Variants in GALNT13 observed in about 807,000 individuals in gnomAD.
GALNT13 encodes the protein polypeptide N-acetylgalactosaminyltransferase 13.
A neutral mutation model predicts 64.2 loss-of-function variants in GALNT13; 28 were observed. The ratio of observed to expected loss-of-function variants is 0.44; its 90% CI spans 0.32 to 0.60. The LOEUF (loss-of-function observed/expected upper bound fraction) is 0.60, where lower values mean the gene tolerates loss of function less well. Ranked by LOEUF, GALNT13 falls within the 20% of genes least tolerant of loss-of-function variation. The pLI, the probability that GALNT13 is intolerant of heterozygous loss-of-function variation, is 0.05. For synonymous variants in GALNT13, 214 were observed against 224.6 expected, an observed-to-expected ratio of 0.95 and a Z score of 0.42; for missense variants, 577 against 669.8, an observed-to-expected ratio of 0.86 and a Z score of 1.53.
chr2:153,201,818 C>T, the GALNT13 span: 1 of 152,136 alleles, frequency 6.6e-6, no homozygotes, highest in East Asian at 1.9e-4. Context: ...CAATCATTTA[C>T]TGAACAATGC....
the GALNT13 span, among the ~76,000 whole-genome samples, chr2:153,586,239 T>C: frequency 6.6e-6 from 1 of 152,134 alleles, no homozygotes; most frequent in Admixed American, 6.5e-5. Context: ...ATGCATCACT[T>C]AAAAGATATA....
chr2:153,383,298 G>A, the GALNT13 span, among the ~76,000 whole-genome samples: 10 of 152,094 alleles, frequency 6.6e-5, no homozygotes, highest in Non-Finnish European at 1.2e-4. Context: ...CCAGTTTCTC[G>A]GCATCCACAT....
At chr2:154,290,990 G>T (rs1033764284) in intron 8 of GALNT13, among the ~76,000 whole-genome samples, 2 of 151,988 alleles carry the variant, frequency 1.3e-5, no homozygotes, top group African/African-American at 4.8e-5. Context: ...AGACCTTCTC[G>T]GTGAGCGTTA....
At chr2:153,820,802 C>A in the GALNT13 span, among the ~76,000 whole-genome samples, 14 of 152,074 alleles carry the variant, frequency 9.2e-5, no homozygotes, top group Admixed American at 9.2e-4. Flanking sequence ...AACATCTACA[C>A]AATCAAGTCT....
At chr2:153,814,066 A>G in the GALNT13 span, among the ~76,000 whole-genome samples, 10 of 152,194 alleles carry the variant, frequency 6.6e-5, no homozygotes, top group African/African-American at 2.4e-4. Flanking sequence ...CTTCCAAGAG[A>G]GAACAAGAAA....
intron 3 of GALNT13, among the ~76,000 whole-genome samples, chr2:154,106,990 C>T (rs1702652745): frequency 6.6e-6 from 1 of 152,060 alleles, no homozygotes; most frequent in South Asian, 2.1e-4. Flanking sequence ...TGAGTTCTCA[C>T]TCTATTAGTT....
the GALNT13 span, among the ~76,000 whole-genome samples, chr2:153,459,198 A>G: frequency 1.8e-4 from 27 of 152,320 alleles, no homozygotes; most frequent in African/African-American, 6.5e-4. Flanking sequence ...TGAAAAGAAA[A>G]ACAGGGAACA....
At chr2:154,443,116 A>G (rs1701386423) in intron 12 of GALNT13, among the ~76,000 whole-genome samples, 1 of 152,086 alleles carries the variant, frequency 6.6e-6, no homozygotes, top group African/African-American at 2.4e-5. Flanking sequence ...CCTGTGTAGC[A>G]TTCCTAAGAA....
chr2:153,101,131 G>T, the GALNT13 span, among the ~76,000 whole-genome samples: 2 of 152,154 alleles, frequency 1.3e-5, no homozygotes, highest in African/African-American at 4.8e-5. Context: ...GTATGCTTAT[G>T]TAAATTATAT....
the GALNT13 span, among the ~76,000 whole-genome samples, chr2:153,115,295 G>A: frequency 3.3e-5 from 5 of 152,140 alleles, no homozygotes; most frequent in African/African-American, 1.2e-4. Context: ...CACTGGGTAA[G>A]TCAGCAAAAG....
At chr2:153,558,012 A>T in the GALNT13 span, among the ~76,000 whole-genome samples, 1 of 152,184 alleles carries the variant, frequency 6.6e-6, no homozygotes, top group Non-Finnish European at 1.5e-5. Context: ...TTTGATACAG[A>T]CACAGGAAGA....
intron 3 of GALNT13, among the ~76,000 whole-genome samples, chr2:154,041,053 G>GGTTTT (rs1003513624): frequency 3.6e-5 from 5 of 139,140 alleles, no homozygotes; most frequent in African/African-American, 1.2e-4. Context: ...GGTTTGGTTT[G>GGTTTT]TTCATTAAAA....
chr2:153,256,537 G>C, the GALNT13 span, among the ~76,000 whole-genome samples: 1 of 152,198 alleles, frequency 6.6e-6, no homozygotes, highest in Non-Finnish European at 1.5e-5. Context: ...GAGGAGGAGA[G>C]GCGCTCTGCT....
chr2:154,451,289 A>G lies in GALNT13; in HGVS notation c.*738A>G, dbSNP rs1701862078. Reference sequence around the variant, plus strand: ...CTCAAAGTGGGTTGCAATCATTCCTAACACAGGCTGAAACTAAACAATCTT... The same window carrying G: ...CTCAAAGTGGGTTGCAATCATTCCTGACACAGGCTGAAACTAAACAATCTT... On this transcript the variant is annotated 3_prime_UTR_variant, in exon 13 of 13. Transcript: ENST00000392825. 6.6e-6 allele frequency: 1 copy of G among 152,088 alleles called. No individual in the cohort carries two copies. The highest frequency in any genetic ancestry group is 1.5e-5 in the Non-Finnish European group (1 of 68,026). 9.4% of individuals were successfully genotyped at this position (152,088 alleles called of 1,614,324 possible).
chr2:153,555,194 T>TAAATAAAAATAAAAATAGTTATAAAAGCC, the GALNT13 span, among the ~76,000 whole-genome samples: 10 of 130,600 alleles, frequency 7.7e-5, no homozygotes, highest in East Asian at 4.3e-4. Context: ...GCTTTACTTT[T>TAAATAAAAATAAAAATAGTTATAAAAGCC]TTTTTTTTTT....
chr2:153,364,296 A>T, the GALNT13 span, among the ~76,000 whole-genome samples: 1 of 152,166 alleles, frequency 6.6e-6, no homozygotes, highest in African/African-American at 2.4e-5. Flanking sequence ...GAATTGGCAA[A>T]ACCTGGAAGC....
the GALNT13 span, among the ~76,000 whole-genome samples, chr2:153,489,484 A>G: frequency 6.6e-6 from 1 of 152,170 alleles, no homozygotes; most frequent in Non-Finnish European, 1.5e-5. Flanking sequence ...TTTGGATAGC[A>G]CTCAGACATT....
chr2:153,120,276 G>A, the GALNT13 span, among the ~76,000 whole-genome samples: 3 of 152,286 alleles, frequency 2.0e-5, no homozygotes, highest in South Asian at 6.2e-4. Flanking sequence ...TCTTCACGTG[G>A]TAGATTCTTT....
At chr2:153,759,596 G>T in the GALNT13 span, among the ~76,000 whole-genome samples, 2 of 152,014 alleles carry the variant, frequency 1.3e-5, no homozygotes, top group Admixed American at 6.6e-5. Context: ...TATTAATGAG[G>T]TATATCATTC....
Sources: allele counts gnomAD v4.1 joint callset (sites outside exome capture counted in the v4.1 genomes callset), GRCh38; gene constraint gnomAD v4.1.1; transcripts MANE v1.5; gene names NCBI Gene and HGNC (gene_info 2026-07-23, HGNC 2026-07-21).